SHROOM4: variants seen among roughly 807,000 people sequenced by gnomAD.
The protein encoded by SHROOM4 is protein Shroom4.
SHROOM4 carries 17 observed loss-of-function variants against 80.3 expected under a neutral mutation model. That is an observed-to-expected ratio of 0.21 (90% CI 0.14 to 0.32). SHROOM4 has a LOEUF of 0.32. SHROOM4 is among the 10% of genes least tolerant of loss of function. The probability of loss-of-function intolerance (pLI) is 1.00; values close to 1 mark genes in which losing one functional copy is unlikely to be tolerated. For synonymous variants in SHROOM4, 400 were observed against 437.5 expected (o/e 0.91, Z 1.07); for missense variants, 993 against 1,140.3 (o/e 0.87, Z 1.86).
chrX:50,766,721 A>G (rs1201710532), intron 1 of SHROOM4, among the ~76,000 whole-genome samples: 1 of 112,104 alleles, frequency 8.9e-6, no homozygotes, highest in Non-Finnish European at 1.9e-5. Context: ...GATGGATTTG[A>G]ATATATAAAT....
intron 1 of SHROOM4, among the ~76,000 whole-genome samples, chrX:50,711,514 T>C (rs782330419): frequency 1.8e-5 from 2 of 112,158 alleles, no homozygotes; most frequent in Non-Finnish European, 3.8e-5. Context: ...TCATTGTCTG[T>C]AAATTTTACC....
chrX:50,642,904 C>T (rs555782621), intron 2 of SHROOM4, among the ~76,000 whole-genome samples: 3 of 111,741 alleles, frequency 2.7e-5, no homozygotes, highest in Admixed American at 9.5e-5. Context: ...GGATACCACA[C>T]GACCCCTCCT....
chrX:50,789,974 C>T (rs374974676), intron 1 of SHROOM4, among the ~76,000 whole-genome samples: 4 of 112,251 alleles, frequency 3.6e-5, no homozygotes, highest in Non-Finnish European at 5.6e-5. Flanking sequence ...GAGCCTATTG[C>T]TCCTAGTCTA....
chrX:50,711,350 A>C (rs1933808986), intron 1 of SHROOM4, among the ~76,000 whole-genome samples: 1 of 111,919 alleles, frequency 8.9e-6, no homozygotes, highest in African/African-American at 3.3e-5. Context: ...ACCAACAGAG[A>C]TTCTGGTTCA....
intron 1 of SHROOM4, among the ~76,000 whole-genome samples, chrX:50,725,758 A>G (rs1413934456): frequency 1.8e-5 from 2 of 112,413 alleles, no homozygotes; most frequent in African/African-American, 6.5e-5. Context: ...CTTCTTCATA[A>G]ATTACCCAGT....
intron 7 of SHROOM4, 142 bp downstream of exon 7, chrX:50,602,491 G>A (rs1372102838): frequency 7.0e-6 from 4 of 574,800 alleles, no homozygotes; most frequent in African/African-American, 4.6e-5. Flanking sequence ...TTGGATCTGT[G>A]AGAAATCCAG....
chrX:50,805,243 C>A (rs782169911), intron 1 of SHROOM4, among the ~76,000 whole-genome samples: 120 of 111,636 alleles, frequency 1.1e-3, no homozygotes, highest in East Asian at 1.7e-3. Flanking sequence ...TTACTTCTAG[C>A]TCTACCTCAT....
intron 1 of SHROOM4, among the ~76,000 whole-genome samples, chrX:50,799,367 C>A (rs1345481590): frequency 8.9e-6 from 1 of 111,846 alleles, no homozygotes; most frequent in African/African-American, 3.3e-5. Context: ...AAGAGAAGCC[C>A]TATAGTGTGT....
At chrX:50,740,183 G>A (rs6614568) in intron 1 of SHROOM4, among the ~76,000 whole-genome samples, 5,178 of 86,859 alleles carry the variant, frequency 0.06, 547 homozygotes, top group African/African-American at 0.22. Context: ...GGACTGTTGT[G>A]GGGTCGGGGG....
chrX:50,727,083 G>A (rs1212167396), intron 1 of SHROOM4, among the ~76,000 whole-genome samples: 1 of 113,163 alleles, frequency 8.8e-6, no homozygotes, highest in African/African-American at 3.2e-5. Context: ...GTGAGACATG[G>A]AGTCAAAGGA....
chrX:50,648,124 C>T (rs1234743172), intron 2 of SHROOM4, among the ~76,000 whole-genome samples: 1 of 111,604 alleles, frequency 9.0e-6, no homozygotes, highest in African/African-American at 3.3e-5. Context: ...AGCCAGAGAA[C>T]CATTTAAAGG....
At chrX:50,731,212 C>A (rs782069190) in intron 1 of SHROOM4, among the ~76,000 whole-genome samples, 2 of 108,608 alleles carry the variant, frequency 1.8e-5, no homozygotes, top group South Asian at 8.2e-4. Flanking sequence ...TGAAGAAAAT[C>A]CATAGAAATT....
At chrX:50,802,951 C>T (rs1557272764) in intron 1 of SHROOM4, among the ~76,000 whole-genome samples, 2 of 112,255 alleles carry the variant, frequency 1.8e-5, no homozygotes, top group Non-Finnish European at 3.8e-5. Flanking sequence ...GGGCAAGTCA[C>T]CTAATCTTTC....
At chrX:50,635,766 A>T in intron 3 of SHROOM4, 98 bp from the exon 4 acceptor site, 2 of 713,897 alleles carry the variant, frequency 2.8e-6, no homozygotes, top group Non-Finnish European at 4.2e-6. Context: ...GCCACAAAAG[A>T]GAGGAGGGTA....
intron 1 of SHROOM4, among the ~76,000 whole-genome samples, chrX:50,773,097 T>C (rs782260497): frequency 8.9e-6 from 1 of 112,504 alleles, no homozygotes; most frequent in East Asian, 2.8e-4. Flanking sequence ...GAGCAATGAC[T>C]ATGTACCAGG....
At chrX:50,720,297 A>G (rs1172744396) in intron 1 of SHROOM4, among the ~76,000 whole-genome samples, 1 of 111,687 alleles carries the variant, frequency 9.0e-6, no homozygotes, top group Non-Finnish European at 1.9e-5. Context: ...ACAAGGCAGG[A>G]TAATTGCAAA....
At chrX:50,801,291 A>AGAGAGAGAGAGAGAGAGAGAGAG (rs782711842) in intron 1 of SHROOM4, among the ~76,000 whole-genome samples, 4 of 103,512 alleles carry the variant, frequency 3.9e-5, no homozygotes, top group African/African-American at 7.1e-5. Flanking sequence ...AGAGAGAGAG[A>AGAGAGAGAGAGAGAGAGAGAGAG]ACACGTACTG....
chrX:50,613,407 C>A (rs2180636), intron 5 of SHROOM4, among the ~76,000 whole-genome samples: 32,517 of 111,178 alleles, frequency 0.29, 3,651 homozygotes, highest in South Asian at 0.39. Flanking sequence ...TGCCACTGTG[C>A]GCAGCCTCAT....
At chrX:50,666,158 A>AACTG (rs1358572170) in intron 2 of SHROOM4, among the ~76,000 whole-genome samples, 4 of 111,462 alleles carry the variant, frequency 3.6e-5, no homozygotes, top group African/African-American at 1.3e-4. Context: ...GGTCTTAGAC[A>AACTG]ACTGACATGT....
Sources: allele counts gnomAD v4.1 joint callset (sites outside exome capture counted in the v4.1 genomes callset), GRCh38; gene constraint gnomAD v4.1.1; transcripts MANE v1.5; gene names NCBI Gene and HGNC (gene_info 2026-07-23, HGNC 2026-07-21).